The following ERP44 variants were observed in gnomAD, a reference collection of about 807,000 sequenced individuals.
The protein encoded by ERP44 is endoplasmic reticulum protein 44.
A neutral mutation model predicts 53.4 loss-of-function variants in ERP44; 25 were observed. That is an observed-to-expected ratio of 0.47 (90% confidence interval 0.34 to 0.65). ERP44 has a LOEUF of 0.65. Among genes scored for constraint, ERP44 ranks in the 30% least tolerant of loss-of-function variants. The pLI is 0.01. For synonymous variants in ERP44, 145 were observed against 161.2 expected (o/e 0.90, Z 0.76); for missense variants, 338 against 493.2 (o/e 0.69, Z 2.98).
At chr9:99,988,055 A>G (rs1830213385) in intron 10 of ERP44, among the ~76,000 whole-genome samples, 1 of 152,206 alleles carries the variant, frequency 6.6e-6, no homozygotes, top group African/African-American at 2.4e-5. Flanking sequence ...TGTTTTCTAG[A>G]GTGACTGTAT....
chr9:100,048,462 T>C (rs538675546), intron 4 of ERP44, among the ~76,000 whole-genome samples: 2 of 152,146 alleles, frequency 1.3e-5, no homozygotes, highest in South Asian at 4.1e-4. Context: ...TGGTATGATG[T>C]TTCTTCAAAA....
intron 6 of ERP44, among the ~76,000 whole-genome samples, chr9:100,018,715 C>T (rs1351150923): frequency 6.6e-6 from 1 of 152,032 alleles, no homozygotes; most frequent in African/African-American, 2.4e-5. Context: ...TTTCCTGAAC[C>T]TAGTACAGTA....
rs996126556 is a variant in ERP44, at chr9:100,061,625, A to T, written c.58-1453T>A. On this transcript the variant is annotated intron_variant, in intron 1 of 11. Transcript: ENST00000262455. ...ATATATATTTATAGAAATATATATA[A>T]ATATATATATTTATTCTGTTCTTAG... 4.1e-5 allele frequency among the ~76,000 whole-genome samples: 6 copies of T among 147,508 alleles called. No individual in the cohort carries two copies. In the South Asian group the frequency reaches 8.4e-4, roughly 21 times the overall value.
chr9:100,044,982 T>C (rs904783037), intron 4 of ERP44, among the ~76,000 whole-genome samples: 1 of 152,196 alleles, frequency 6.6e-6, no homozygotes, highest in African/African-American at 2.4e-5. Context: ...TAAATTACTT[T>C]ATTTTGACTT....
intron 4 of ERP44, among the ~76,000 whole-genome samples, chr9:100,029,195 C>G (rs543850277): frequency 7.3e-5 from 11 of 151,608 alleles, no homozygotes; most frequent in Non-Finnish European, 1.3e-4. Flanking sequence ...GGGATTTTAT[C>G]AAACTAAAAA....
At chr9:99,988,812 C>G (rs1830222475) in intron 10 of ERP44, among the ~76,000 whole-genome samples, 1 of 152,188 alleles carries the variant, frequency 6.6e-6, no homozygotes, top group Non-Finnish European at 1.5e-5. Flanking sequence ...CCGGAAAAAA[C>G]AGGACATTCC....
chr9:99,998,487 C>T (rs887687110), intron 10 of ERP44: 14 of 708,884 alleles, frequency 2.0e-5, no homozygotes, highest in Non-Finnish European at 3.7e-5. Context: ...GGTCTCTCCA[C>T]GGCCTCCCTC....
chr9:100,071,052 T>C (rs1826296337), intron 1 of ERP44, among the ~76,000 whole-genome samples: 1 of 152,002 alleles, frequency 6.6e-6, no homozygotes, highest in Non-Finnish European at 1.5e-5. Flanking sequence ...TTTTTCAAAG[T>C]TTATACTCAA....
chr9:100,059,700 A>T (rs1243439948), intron 2 of ERP44, among the ~76,000 whole-genome samples: 1 of 152,176 alleles, frequency 6.6e-6, no homozygotes. Flanking sequence ...TTTCTCTAAA[A>T]TAAAAAATAA....
At chr9:100,050,898 C>T (rs1826029614) in intron 4 of ERP44, among the ~76,000 whole-genome samples, 1 of 152,138 alleles carries the variant, frequency 6.6e-6, no homozygotes, top group African/African-American at 2.4e-5. Flanking sequence ...AGCTTTAGAG[C>T]ATAATTTCCA....
intron 10 of ERP44, among the ~76,000 whole-genome samples, chr9:99,985,544 C>T (rs1564082976): frequency 6.6e-6 from 1 of 152,164 alleles, no homozygotes; most frequent in Non-Finnish European, 1.5e-5. Context: ...TAGCACCATC[C>T]AATGTCCACC....
intron 1 of ERP44, among the ~76,000 whole-genome samples, chr9:100,069,016 T>C (rs1171065019): frequency 6.6e-6 from 1 of 152,182 alleles, no homozygotes; most frequent in Non-Finnish European, 1.5e-5. Flanking sequence ...CTCTGAAACA[T>C]GTGCTGTGTC....
chr9:100,025,851 A>C (rs1037368586), intron 4 of ERP44, among the ~76,000 whole-genome samples: 1 of 152,220 alleles, frequency 6.6e-6, no homozygotes, highest in Non-Finnish European at 1.5e-5. Context: ...TATTGAGTTC[A>C]CAGAAAATCC....
intron 1 of ERP44, among the ~76,000 whole-genome samples, chr9:100,096,782 G>A (rs1323264162): frequency 1.3e-5 from 2 of 152,162 alleles, no homozygotes; most frequent in Admixed American, 6.6e-5. Flanking sequence ...TGAGGTCTGA[G>A]AGAGAAAGTT....
chr9:100,038,223 T>C (rs1825863775), intron 4 of ERP44, among the ~76,000 whole-genome samples: 1 of 152,102 alleles, frequency 6.6e-6, no homozygotes, highest in Non-Finnish European at 1.5e-5. Context: ...ATAACACTAA[T>C]TGCGGTGTGT....
At position 99,997,887 on chromosome 9, in the gene ERP44, G is replaced by C. The variant is rs188773162; in HGVS notation, c.1016+8619C>G. Among the ~76,000 whole-genome samples the C allele has an allele frequency of 2.6e-5, 4 of 152,056 alleles. No homozygotes were observed. The East Asian group carries it at 7.7e-4, about 29-fold the overall frequency. On this transcript the variant is annotated intron_variant, in intron 10 of 11. Transcript: ENST00000262455. The stretch of plus-strand genomic sequence containing the variant: ...TCGACACCACAGCTCAGAGGCCACC[G>C]AGAAGCACAAGCGACTGACAGCTCC...
chr9:100,095,670 A>T (rs1826619531), intron 1 of ERP44, among the ~76,000 whole-genome samples: 2 of 152,090 alleles, frequency 1.3e-5, no homozygotes, highest in South Asian at 2.1e-4. Context: ...TTGGGCCCCG[A>T]TATCATTTTA....
At chr9:100,071,348 T>C (rs1188030044) in intron 1 of ERP44, among the ~76,000 whole-genome samples, 1 of 152,190 alleles carries the variant, frequency 6.6e-6, no homozygotes, top group East Asian at 1.9e-4. Context: ...ATATCTCCTA[T>C]GTGTCAAAGA....
chr9:100,070,728 G>C (rs990900550), intron 1 of ERP44, among the ~76,000 whole-genome samples: 4 of 152,320 alleles, frequency 2.6e-5, no homozygotes, highest in Non-Finnish European at 5.9e-5. Context: ...CAAGAAACTA[G>C]TGTATAAGAA....
Sources: allele counts gnomAD v4.1 joint callset (sites outside exome capture counted in the v4.1 genomes callset), GRCh38; gene constraint gnomAD v4.1.1; transcripts MANE v1.5; gene names NCBI Gene and HGNC (gene_info 2026-07-23, HGNC 2026-07-21).